The following PAM variants were observed in gnomAD, a reference collection of about 807,000 sequenced individuals.
PAM encodes the protein peptidylglycine alpha-amidating monooxygenase.
PAM carries 72 observed loss-of-function variants against 122.1 expected under a neutral mutation model. The ratio of observed to expected loss-of-function variants is 0.59; its 90% CI spans 0.49 to 0.72. The LOEUF (loss-of-function observed/expected upper bound fraction) is 0.72. Ranked by LOEUF, PAM falls within the 30% of genes least tolerant of loss-of-function variation. PAM has a pLI of 0.00. For synonymous variants in PAM, 389 were observed against 404.4 expected (o/e 0.96, Z 0.46); for missense variants, 1,106 against 1,183.7 (o/e 0.93, Z 0.96).
intron 1 of PAM, among the ~76,000 whole-genome samples, chr5:102,859,824 A>T (rs1425405218): frequency 2.0e-5 from 3 of 152,192 alleles, no homozygotes; most frequent in African/African-American, 7.2e-5. Context: ...ATGTTTAGAT[A>T]CACAGATACT....
chr5:102,940,237 C>T (rs1322721726), intron 7 of PAM, among the ~76,000 whole-genome samples: 1 of 151,290 alleles, frequency 6.6e-6, no homozygotes, highest in Non-Finnish European at 1.5e-5. Context: ...TAGTTTTCAG[C>T]TTTATATTTT....
At chr5:102,757,088 G>A (rs1240318661) in intron 1 of PAM, among the ~76,000 whole-genome samples, 1 of 152,188 alleles carries the variant, frequency 6.6e-6, no homozygotes, top group Non-Finnish European at 1.5e-5. Flanking sequence ...AGCACTTTGG[G>A]AGGCCGAGGC....
At chr5:102,936,916 C>G (rs1043412333) in intron 7 of PAM, among the ~76,000 whole-genome samples, 2 of 152,092 alleles carry the variant, frequency 1.3e-5, no homozygotes, top group Non-Finnish European at 2.9e-5. Context: ...TCCTGTAGAA[C>G]AGGTGTGTCA....
At chr5:102,850,596 TCA>T (rs1457687247) in intron 1 of PAM, among the ~76,000 whole-genome samples, 1 of 152,142 alleles carries the variant, frequency 6.6e-6, no homozygotes, top group African/African-American at 2.4e-5. Context: ...GTGTGGTGAA[TCA>T]CACACAGGCT....
chr5:102,978,241 A>G (rs1418512708), intron 15 of PAM, among the ~76,000 whole-genome samples: 2 of 152,210 alleles, frequency 1.3e-5, no homozygotes, highest in Non-Finnish European at 2.9e-5. Flanking sequence ...CACAGTGGGA[A>G]CTTGTGGCTC....
chr5:103,007,188 T>TACACACACACACACACACACAC (rs1247892849), intron 19 of PAM, among the ~76,000 whole-genome samples, 177 bp downstream of exon 19: 5 of 106,456 alleles, frequency 4.7e-5, no homozygotes, highest in African/African-American at 2.4e-4. Flanking sequence ...CACACACATA[T>TACACACACACACACACACACAC]ACATACACAC....
chr5:103,029,086 T>A lies in PAM; in HGVS notation c.*21T>A, dbSNP rs370619893. The stretch of plus-strand genomic sequence containing the variant: ...CCTGAAAACCAAGCTTTGATTTAGA[T>A]TGAGTAAGATTTACCCAGAATGTCA... On this transcript the variant is annotated 3_prime_UTR_variant, in exon 26 of 26. Coordinates refer to ENST00000438793, the MANE Select transcript of PAM (RefSeq NM_001177306.2). The A allele has an allele frequency of 1.3e-6, 2 of 1,585,256 alleles. No individual in the cohort carries two copies. Among genetic ancestry groups the A allele is most frequent in the Non-Finnish European group, 1.7e-6 (2 of 1,166,218 alleles).
chr5:102,885,747 T>C (rs113858633), intron 3 of PAM, among the ~76,000 whole-genome samples: 1 of 152,006 alleles, frequency 6.6e-6, no homozygotes, highest in South Asian at 2.1e-4. Flanking sequence ...GTGAATACTG[T>C]TCTACTATCT....
At chr5:102,843,187 T>C (rs1421703207) in intron 1 of PAM, among the ~76,000 whole-genome samples, 3 of 152,238 alleles carry the variant, frequency 2.0e-5, no homozygotes, top group Non-Finnish European at 4.4e-5. Flanking sequence ...TAAAACACTT[T>C]AATGTTACTG....
chr5:102,759,303 C>T (rs546347385), intron 1 of PAM, among the ~76,000 whole-genome samples: 12 of 152,106 alleles, frequency 7.9e-5, no homozygotes, highest in African/African-American at 2.9e-4. Flanking sequence ...AGACCTGAAG[C>T]ATGAGTGGTA....
chr5:102,964,947 T>G (rs1763617286), intron 14 of PAM, among the ~76,000 whole-genome samples: 1 of 151,906 alleles, frequency 6.6e-6, no homozygotes, highest in African/African-American at 2.4e-5. Flanking sequence ...GAGTTGATTA[T>G]GTCTGCCTAC....
At chr5:102,932,209 G>A (rs1390041448) in intron 7 of PAM, among the ~76,000 whole-genome samples, 3 of 152,082 alleles carry the variant, frequency 2.0e-5, no homozygotes, top group Non-Finnish European at 4.4e-5. Context: ...TATATTATGT[G>A]TCTTTCCTGG....
chr5:102,794,761 T>G (rs1261847606), intron 1 of PAM, among the ~76,000 whole-genome samples: 1 of 152,204 alleles, frequency 6.6e-6, no homozygotes, highest in African/African-American at 2.4e-5. Context: ...ACTATGTACT[T>G]TAAAATCTGG....
At chr5:102,926,395 A>C (rs1179266370) in intron 6 of PAM, among the ~76,000 whole-genome samples, 190 bp from the exon 7 acceptor site, 1 of 152,242 alleles carries the variant, frequency 6.6e-6, no homozygotes, top group Non-Finnish European at 1.5e-5. Flanking sequence ...GAATTTCATC[A>C]TAGTTTTGAG....
intron 14 of PAM, among the ~76,000 whole-genome samples, chr5:102,969,276 GAA>G (rs1348605899): frequency 3.0e-5 from 4 of 132,628 alleles, no homozygotes; most frequent in Non-Finnish European, 3.3e-5. Flanking sequence ...TAGTCCAGTG[GAA>G]AAAAAAAAAA....
At chr5:103,029,795 A>C (rs181924152), downstream of PAM, 1,169 of 152,410 alleles carry the variant, frequency 7.7e-3, 9 homozygotes, top group Non-Finnish European at 9.6e-3. Context: ...AAACCCACAA[A>C]TATTAGTGAA....
intron 1 of PAM, among the ~76,000 whole-genome samples, chr5:102,792,686 AT>A (rs1398655449): frequency 6.6e-6 from 1 of 152,202 alleles, no homozygotes; most frequent in Non-Finnish European, 1.5e-5. Context: ...AGTCTTCCCT[AT>A]TTAAAGGAAC....
At position 102,948,439 on chromosome 5, in the gene PAM, GA is replaced by G. The variant is rs1426276048; in HGVS notation, c.642del (p.Val215TrpfsTer2). 1.3e-5 allele frequency: 20 copies of G among 1,529,950 alleles called. No individual in the cohort carries two copies. Among genetic ancestry groups the G allele is most frequent in the African/African-American group, 2.7e-5 (2 of 73,178 alleles). 94.8% of individuals were successfully genotyped at this position (1,529,950 alleles called of 1,614,324 possible). Reference sequence around the variant, plus strand: ...TGTTGACACTGTTATCCCAGCAGGAGAAAAAGGTGAGTAATGATTTTTTAAT... The same window carrying G: ...TGTTGACACTGTTATCCCAGCAGGAGAAAAGGTGAGTAATGATTTTTTAAT... ...MSVDTVIPAG[E>X]KVVNSDISCH... On this transcript the variant is annotated frameshift_variant, in exon 9 of 26. Transcript: ENST00000438793. LOFTEE classifies it high-confidence loss of function.
intron 1 of PAM, among the ~76,000 whole-genome samples, chr5:102,808,618 T>C (rs1766922379): frequency 6.6e-6 from 1 of 152,246 alleles, no homozygotes; most frequent in African/African-American, 2.4e-5. Flanking sequence ...GCATTTGATA[T>C]GTTTTACCCA....
Sources: allele counts gnomAD v4.1 joint callset (sites outside exome capture counted in the v4.1 genomes callset), GRCh38; gene constraint gnomAD v4.1.1; transcripts MANE v1.5; gene names NCBI Gene and HGNC (gene_info 2026-07-23, HGNC 2026-07-21).